MSRA: variants seen among roughly 807,000 people sequenced by gnomAD.
The protein encoded by MSRA is mitochondrial peptide methionine sulfoxide reductase.
A neutral mutation model predicts 31.3 loss-of-function variants in MSRA; 54 were observed. The ratio of observed to expected loss-of-function variants is 1.73; its 90% CI spans 1.39 to 2.17. The LOEUF is 2.17. Ranked by LOEUF, MSRA falls within the 30% of genes most tolerant of loss-of-function variation. The probability of loss-of-function intolerance (pLI) is 0.00; values close to 1 mark genes in which losing one functional copy is unlikely to be tolerated. For missense variants in MSRA, 507 were observed against 300.9 expected, an observed-to-expected ratio of 1.69 and a Z score of -5.07; for synonymous variants, 169 against 116.5, an observed-to-expected ratio of 1.45 and a Z score of -2.90.
At chr8:10,347,025 A>G (rs1190378064) in intron 5 of MSRA, among the ~76,000 whole-genome samples, 2 of 151,982 alleles carry the variant, frequency 1.3e-5, no homozygotes, top group African/African-American at 4.8e-5. Flanking sequence ...CTCTTTCCAC[A>G]CCCCATCATT....
chr8:10,262,892 C>T lies in MSRA; in HGVS notation c.331+17669C>T, dbSNP rs193274951. On this transcript the variant is annotated intron_variant, in intron 3 of 5. Transcript: ENST00000317173. The stretch of plus-strand genomic sequence containing the variant: ...TATTGACCTTGTTACTGGGTTGTAC[C>T]TATGGTTTTGGCCTCTCATTTTTTG... 2.0e-5 allele frequency among the ~76,000 whole-genome samples: 3 copies of T among 152,166 alleles called. No homozygotes were observed. In the East Asian group the frequency reaches 5.8e-4, roughly 29 times the overall value.
Position 10,358,828 on chromosome 8 carries a change from G to A in MSRA, c.543+38839G>A, listed in dbSNP as rs563491360. 2.7e-4 allele frequency among the ~76,000 whole-genome samples: 40 copies of A among 148,800 alleles called. 2 individuals carry two copies. Among genetic ancestry groups the A allele is most frequent in the African/African-American group, 8.6e-4 (33 of 38,564 alleles). Reference sequence around the variant, plus strand: ...GGGATGGTCTCGATCTCCTGACCTCGTGATCCGCCCGCCTCGGCCTCCCAA... The same window carrying A: ...GGGATGGTCTCGATCTCCTGACCTCATGATCCGCCCGCCTCGGCCTCCCAA... On this transcript the variant is annotated intron_variant, in intron 5 of 5. Coordinates refer to ENST00000317173, the MANE Select transcript of MSRA (RefSeq NM_012331.5).
intron 1 of MSRA, among the ~76,000 whole-genome samples, chr8:10,057,739 G>A (rs887375367): frequency 3.3e-5 from 5 of 152,114 alleles, no homozygotes; most frequent in Non-Finnish European, 7.4e-5. Flanking sequence ...GTTCTCTCCT[G>A]CTCCTTTGTG....
intron 5 of MSRA, among the ~76,000 whole-genome samples, chr8:10,386,762 A>C (rs1463469896): frequency 6.6e-6 from 1 of 152,066 alleles, no homozygotes; most frequent in Admixed American, 6.5e-5. Flanking sequence ...TCTACTTCTA[A>C]AAATGAGGGA....
intron 1 of MSRA, among the ~76,000 whole-genome samples, chr8:10,069,904 T>A (rs1797646468): frequency 6.6e-6 from 1 of 152,230 alleles, no homozygotes; most frequent in Admixed American, 6.5e-5. Context: ...ATGCACATAG[T>A]TTATTAAAAT....
At chr8:10,057,414 G>T (rs1164210299) in intron 1 of MSRA, among the ~76,000 whole-genome samples, 2 of 152,214 alleles carry the variant, frequency 1.3e-5, no homozygotes, top group Non-Finnish European at 2.9e-5. Flanking sequence ...AAAATAGGCT[G>T]CAGGTAGAAG....
intron 5 of MSRA, among the ~76,000 whole-genome samples, chr8:10,350,389 C>T (rs34185004): frequency 0.15 from 22,552 of 152,200 alleles, 3,257 homozygotes; most frequent in East Asian, 0.81. Flanking sequence ...CAGCGCCGGC[C>T]GGATGCTTCT....
chr8:10,118,672 C>T (rs1456130655), intron 1 of MSRA, among the ~76,000 whole-genome samples: 2 of 152,082 alleles, frequency 1.3e-5, no homozygotes, highest in East Asian at 3.9e-4. Flanking sequence ...TACCGCTGCC[C>T]CTGGCCTTGG....
At chr8:10,168,844 C>T (rs192168801) in intron 1 of MSRA, among the ~76,000 whole-genome samples, 1 of 152,322 alleles carries the variant, frequency 6.6e-6, no homozygotes, top group East Asian at 1.9e-4. Flanking sequence ...AAGTCTAGGA[C>T]ATCTTGAACA....
chr8:10,063,476 C>T (rs758126106), intron 1 of MSRA, among the ~76,000 whole-genome samples: 10 of 152,314 alleles, frequency 6.6e-5, no homozygotes, highest in Non-Finnish European at 1.5e-4. Context: ...GAGGCTGGCT[C>T]CTGCTCTGAG....
chr8:10,063,254 A>T (rs1242071235), intron 1 of MSRA, among the ~76,000 whole-genome samples: 2 of 152,056 alleles, frequency 1.3e-5, no homozygotes, highest in Admixed American at 1.3e-4. Context: ...AGTCCCGATG[A>T]CTTCTTTTCT....
At chr8:10,226,756 T>C (rs971341365) in intron 2 of MSRA, among the ~76,000 whole-genome samples, 22 of 152,210 alleles carry the variant, frequency 1.4e-4, no homozygotes, top group African/African-American at 5.3e-4. Context: ...TAAGGCTTTC[T>C]TTACTTTGCC....
At chr8:10,144,024 G>A (rs1802926582) in intron 1 of MSRA, among the ~76,000 whole-genome samples, 1 of 152,110 alleles carries the variant, frequency 6.6e-6, no homozygotes, top group Non-Finnish European at 1.5e-5. Context: ...GTGGGATGGT[G>A]GCTTGCTTTT....
intron 3 of MSRA, among the ~76,000 whole-genome samples, chr8:10,295,801 C>G (rs528598558): frequency 6.6e-6 from 1 of 152,104 alleles, no homozygotes; most frequent in African/African-American, 2.4e-5. Context: ...TGCCTCTGCC[C>G]TCTCCCAGGT....
intron 1 of MSRA, among the ~76,000 whole-genome samples, chr8:10,081,061 A>G (rs927935028): frequency 2.0e-5 from 3 of 152,186 alleles, no homozygotes; most frequent in African/African-American, 7.2e-5. Flanking sequence ...ATTAAAATGG[A>G]GGCAGGGCAG....
At chr8:10,209,619 C>G (rs896377478) in intron 2 of MSRA, among the ~76,000 whole-genome samples, 2 of 152,260 alleles carry the variant, frequency 1.3e-5, no homozygotes, top group South Asian at 2.1e-4. Context: ...CATTCTTCCC[C>G]AAGGCCCTCA....
intron 2 of MSRA, among the ~76,000 whole-genome samples, chr8:10,228,296 C>A (rs1811170656): frequency 6.6e-6 from 1 of 152,114 alleles, no homozygotes; most frequent in Admixed American, 6.5e-5. Flanking sequence ...TTGAAGAGGC[C>A]AGGGAGCCGT....
chr8:10,269,370 C>T (rs1422925389), intron 3 of MSRA, among the ~76,000 whole-genome samples: 1 of 152,158 alleles, frequency 6.6e-6, no homozygotes, highest in Non-Finnish European at 1.5e-5. Context: ...ATAGCAGAAT[C>T]AGAAATATGT....
Position 10,271,814 on chromosome 8 carries a change from G to A in MSRA, c.331+26591G>A, listed in dbSNP as rs543966777. 2.0e-5 allele frequency among the ~76,000 whole-genome samples: 3 copies of A among 151,452 alleles called. No individual in the cohort carries two copies. The East Asian group carries it at 5.8e-4, about 30-fold the overall frequency. ...GCTCACCGCAACCTCGGCCTCCTGG[G>A]TTCAAGTGACTCTCTTGCCTCAGCC... is the stretch of plus-strand genomic sequence containing the variant. On this transcript the variant is annotated intron_variant, in intron 3 of 5. Coordinates refer to ENST00000317173, the MANE Select transcript of MSRA (RefSeq NM_012331.5).
Sources: allele counts gnomAD v4.1 joint callset (sites outside exome capture counted in the v4.1 genomes callset), GRCh38; gene constraint gnomAD v4.1.1; transcripts MANE v1.5; gene names NCBI Gene and HGNC (gene_info 2026-07-23, HGNC 2026-07-21).